Variants in NDUFA10 observed in about 807,000 individuals in gnomAD.
NDUFA10 encodes the protein NADH:ubiquinone oxidoreductase subunit A10.
A neutral mutation model predicts 47.8 loss-of-function variants in NDUFA10; 40 were observed. That is an observed-to-expected ratio of 0.84 (90% CI 0.65 to 1.09). The LOEUF (loss-of-function observed/expected upper bound fraction) is 1.09. Among genes scored for constraint, NDUFA10 ranks in the 50% least tolerant of loss-of-function variants. The probability of loss-of-function intolerance (pLI) is 0.00; values close to 1 mark genes in which losing one functional copy is unlikely to be tolerated. For missense variants in NDUFA10, 413 were observed against 451.1 expected (o/e 0.92, Z 0.76); for synonymous variants, 183 against 172.2 (o/e 1.06, Z -0.49).
intron 4 of NDUFA10, among the ~76,000 whole-genome samples, chr2:239,896,751 G>T (rs573690265): frequency 6.6e-6 from 1 of 152,294 alleles, no homozygotes; most frequent in Admixed American, 6.5e-5. Flanking sequence ...TGGGGAAAAT[G>T]CCCGATCCGT....
intron 8 of NDUFA10, among the ~76,000 whole-genome samples, chr2:240,004,713 G>C (rs1696878336): frequency 6.6e-6 from 1 of 150,618 alleles, no homozygotes; most frequent in Admixed American, 6.6e-5. Flanking sequence ...ACTCCTGCCT[G>C]AAGAGCCTCT....
rs1307033030 is a variant in NDUFA10 at position 239,906,075 on chromosome 2, G to A, written c.295-10761C>T. On this transcript the variant is annotated intron_variant, in intron 4 of 5. Coordinates refer to the NDUFA10 transcript ENST00000419408. This position sits in a 1 kb window ranked among gnomAD's most constrained non-coding sequence, Gnocchi z 4.3. ...GGGTGATACCTCCAAGGTGCTCAGG[G>A]GACCTTGAAGCAGCCCTGGCCACAG... 3.9e-5 allele frequency among the ~76,000 whole-genome samples: 6 copies of A among 152,120 alleles called. No individual in the cohort carries two copies. The highest frequency in any genetic ancestry group is 3.3e-4 in the Admixed American group (5 of 15,280).
chr2:239,942,803 A>G (rs548571292), intron 4 of NDUFA10, among the ~76,000 whole-genome samples: 3 of 151,934 alleles, frequency 2.0e-5, no homozygotes, highest in South Asian at 4.2e-4. Flanking sequence ...CTGGGTCCTC[A>G]TATGTTTTAA....
intron 8 of NDUFA10, among the ~76,000 whole-genome samples, chr2:240,001,044 G>T (rs1187384080): frequency 6.6e-6 from 1 of 152,212 alleles, no homozygotes; most frequent in African/African-American, 2.4e-5. Flanking sequence ...CACATCACTC[G>T]GAAGGTCAGC....
At chr2:239,946,459 G>A (rs1386549926) in intron 4 of NDUFA10, among the ~76,000 whole-genome samples, 1 of 152,186 alleles carries the variant, frequency 6.6e-6, no homozygotes, top group Admixed American at 6.5e-5. Context: ...TGATGCCTCC[G>A]GGGCCCTCCC....
chr2:239,912,498 T>C (rs1185260058), intron 4 of NDUFA10, among the ~76,000 whole-genome samples: 2 of 152,212 alleles, frequency 1.3e-5, no homozygotes, highest in Non-Finnish European at 2.9e-5. Context: ...GAGTAGCTGC[T>C]CACCCTTCTG....
At chr2:239,921,243 TG>T (rs1372834079) in intron 4 of NDUFA10, among the ~76,000 whole-genome samples, 1 of 147,470 alleles carries the variant, frequency 6.8e-6, no homozygotes, top group Non-Finnish European at 1.5e-5. Flanking sequence ...TGCTTCCTTC[TG>T]GTAGGTTTGT....
At chr2:239,944,090 G>A (rs1694405793) in intron 4 of NDUFA10, among the ~76,000 whole-genome samples, 1 of 152,162 alleles carries the variant, frequency 6.6e-6, no homozygotes, top group South Asian at 2.1e-4. Flanking sequence ...TCCTCCAGGT[G>A]CAGGGCACCG....
chr2:239,966,072 C>T (rs1049963948), intron 9 of NDUFA10, among the ~76,000 whole-genome samples: 1 of 152,218 alleles, frequency 6.6e-6, no homozygotes, highest in Admixed American at 6.5e-5. Context: ...CTTCCAGAGC[C>T]AAGCAGCTAA....
chr2:239,999,322 G>A (rs1243815214), intron 8 of NDUFA10, among the ~76,000 whole-genome samples: 1 of 152,174 alleles, frequency 6.6e-6, no homozygotes, highest in East Asian at 1.9e-4. Context: ...GTCTGGGGCT[G>A]TTTTCCACCT....
intron 4 of NDUFA10, among the ~76,000 whole-genome samples, chr2:239,914,422 CACACACAGAG>C (rs371688075): frequency 0.017 from 1,740 of 100,808 alleles, 33 homozygotes; most frequent in African/African-American, 0.079. Context: ...AATATACAGA[CACACACAGAG>C]ACACACAGAG....
At chr2:239,915,388 C>CACAA (rs569606474) in intron 4 of NDUFA10, among the ~76,000 whole-genome samples, 15,546 of 126,214 alleles carry the variant, frequency 0.12, 1,550 homozygotes, top group African/African-American at 0.21. Context: ...GACAGAGATA[C>CACAA]ACATACATAC....
At chr2:239,996,444 G>C (rs1696483397) in intron 8 of NDUFA10, among the ~76,000 whole-genome samples, 2 of 152,100 alleles carry the variant, frequency 1.3e-5, no homozygotes, top group Admixed American at 1.3e-4. Context: ...ATAACATGTG[G>C]GTCAAAGAAA....
In NDUFA10 at chr2:239,916,993, T is replaced by A. The variant is rs551953112; in HGVS notation, c.295-21679A>T. Among the ~76,000 whole-genome samples, 4 of 152,282 alleles carry A rather than the reference T, an allele frequency of 2.6e-5. No individual in the cohort carries two copies. In the East Asian group the frequency reaches 5.8e-4, roughly 22 times the overall value. On this transcript the variant is annotated intron_variant, in intron 4 of 5. Transcript: ENST00000419408. ...GGGCAGACATGAAACACTGTGGACA[T>A]AACACTTGCTCCAGTGTGGTCACAC... is the stretch of plus-strand genomic sequence containing the variant.
intron 4 of NDUFA10, among the ~76,000 whole-genome samples, chr2:239,919,221 T>G (rs1693926930): frequency 1.3e-5 from 2 of 152,192 alleles, no homozygotes; most frequent in African/African-American, 4.8e-5. Context: ...CTGGAGCCAC[T>G]GACAACAGCA....
At chr2:239,944,292 C>T (rs893083528) in intron 4 of NDUFA10, among the ~76,000 whole-genome samples, 11 of 152,242 alleles carry the variant, frequency 7.2e-5, no homozygotes, top group African/African-American at 2.4e-4. Context: ...CCAAAGTCCC[C>T]GGGGGCAGAG....
intron 4 of NDUFA10, among the ~76,000 whole-genome samples, chr2:239,899,697 T>G (rs114273300): frequency 0.018 from 2,757 of 152,164 alleles, 94 homozygotes; most frequent in African/African-American, 0.063. Flanking sequence ...TGCACATCCC[T>G]GAGGGTAGAG....
intron 8 of NDUFA10, among the ~76,000 whole-genome samples, chr2:240,000,299 C>T (rs1696652498): frequency 6.6e-6 from 1 of 152,186 alleles, no homozygotes. Context: ...CCGTGAAGGC[C>T]TTCCAGTGAG....
intron 4 of NDUFA10, 22 bp from the exon 5 acceptor site, chr2:240,014,882 C>T (rs543135649): frequency 1.1e-5 from 17 of 1,613,896 alleles, no homozygotes; most frequent in Admixed American, 8.3e-5. Context: ...GAGAAAGGGG[C>T]GCTGTCACCT....
Sources: allele counts gnomAD v4.1 joint callset (sites outside exome capture counted in the v4.1 genomes callset), GRCh38; gene constraint gnomAD v4.1.1; non-coding constraint Gnocchi (gnomAD v3.1); transcripts MANE v1.5; gene names NCBI Gene and HGNC (gene_info 2026-07-23, HGNC 2026-07-21).